Variants in ZFAND3 observed in about 807,000 individuals in gnomAD.
The protein encoded by ZFAND3 is AN1-type zinc finger protein 3.
A neutral mutation model predicts 29.6 loss-of-function variants in ZFAND3; 10 were observed. The ratio of observed to expected loss-of-function variants is 0.34; its 90% CI spans 0.21 to 0.57. The LOEUF is 0.57. Among genes scored for constraint, ZFAND3 ranks in the 20% least tolerant of loss-of-function variants. ZFAND3 has a pLI of 0.86. For synonymous variants in ZFAND3, 128 were observed against 112.6 expected, an observed-to-expected ratio of 1.14 and a Z score of -0.87; for missense variants, 230 against 304.5, an observed-to-expected ratio of 0.76 and a Z score of 1.82.
At chr6:38,108,134 A>C (rs1274597790) in intron 4 of ZFAND3, among the ~76,000 whole-genome samples, 2 of 152,152 alleles carry the variant, frequency 1.3e-5, no homozygotes, top group African/African-American at 4.8e-5. Flanking sequence ...TAATATTCTT[A>C]GGTATGATAT....
chr6:38,034,770 T>C (rs1763626667), intron 2 of ZFAND3, among the ~76,000 whole-genome samples: 1 of 151,332 alleles, frequency 6.6e-6, no homozygotes, highest in African/African-American at 2.4e-5. Flanking sequence ...GAATTGTAGC[T>C]TGTTCATTGA....
At chr6:38,022,347 A>G (rs779820705) in intron 2 of ZFAND3, among the ~76,000 whole-genome samples, 6 of 152,232 alleles carry the variant, frequency 3.9e-5, no homozygotes, top group Non-Finnish European at 1.5e-5. Flanking sequence ...TGTTTCACCA[A>G]CAGGAAGCCT....
intron 1 of ZFAND3, among the ~76,000 whole-genome samples, chr6:37,881,220 C>T (rs1242969223): frequency 4.6e-5 from 7 of 152,024 alleles, no homozygotes; most frequent in African/African-American, 9.7e-5. Context: ...CACAGCTGCA[C>T]GCCACGATGC....
At chr6:37,997,832 A>G (rs1762877548) in intron 2 of ZFAND3, among the ~76,000 whole-genome samples, 1 of 152,192 alleles carries the variant, frequency 6.6e-6, no homozygotes, top group African/African-American at 2.4e-5. Context: ...GCACATGTGC[A>G]ATTAAAATTG....
At chr6:37,825,640 T>G (rs1012927960) in intron 1 of ZFAND3, among the ~76,000 whole-genome samples, 33 of 152,138 alleles carry the variant, frequency 2.2e-4, no homozygotes, top group Non-Finnish European at 4.3e-4. Context: ...TCTTCTCCAT[T>G]TACCGTCTCC....
chr6:37,975,596 A>G (rs757001111), intron 2 of ZFAND3, among the ~76,000 whole-genome samples: 6 of 152,124 alleles, frequency 3.9e-5, no homozygotes, highest in Admixed American at 6.5e-5. Flanking sequence ...TATGATATGG[A>G]GGTATACATC....
intron 2 of ZFAND3, among the ~76,000 whole-genome samples, chr6:38,021,945 G>GTT (rs1763361703): frequency 6.6e-6 from 1 of 152,164 alleles, no homozygotes; most frequent in Non-Finnish European, 1.5e-5. Context: ...TTAAATATAG[G>GTT]TTTATATATC....
chr6:37,821,386 C>T (rs1462785656), intron 1 of ZFAND3, among the ~76,000 whole-genome samples: 1 of 152,236 alleles, frequency 6.6e-6, no homozygotes, highest in Non-Finnish European at 1.5e-5. Context: ...TATTTCTAGT[C>T]TTCCCTTCAT....
chr6:38,089,807 T>C (rs1302971835), intron 4 of ZFAND3, among the ~76,000 whole-genome samples: 1 of 152,184 alleles, frequency 6.6e-6, no homozygotes, highest in Non-Finnish European at 1.5e-5. Context: ...TTACACACTA[T>C]AGTTGGCTCT....
intron 5 of ZFAND3, 61 bp downstream of exon 5, chr6:38,116,800 GGAAAT>G: frequency 1.9e-6 from 3 of 1,553,110 alleles, no homozygotes; most frequent in Non-Finnish European, 2.6e-6. Flanking sequence ...GCCCAGCTTT[GGAAAT>G]TTAAGTGGCT....
chr6:37,824,003 C>T (rs1476009278), intron 1 of ZFAND3, among the ~76,000 whole-genome samples: 2 of 152,110 alleles, frequency 1.3e-5, no homozygotes, highest in African/African-American at 2.4e-5. Flanking sequence ...ATCGAACTCC[C>T]GACCTCAGGT....
chr6:37,863,768 G>A (rs1272860097), intron 1 of ZFAND3, among the ~76,000 whole-genome samples: 1 of 152,144 alleles, frequency 6.6e-6, no homozygotes, highest in East Asian at 1.9e-4. Context: ...AGTAGCGTTT[G>A]GACAATATGC....
In ZFAND3 at chr6:37,819,919, C is replaced by T; in HGVS notation, c.-27C>T. 1 of 1,204,432 alleles carries T rather than the reference C, an allele frequency of 8.3e-7. No homozygotes were observed. Among genetic ancestry groups the T allele is most frequent in the Non-Finnish European group, 1.0e-6 (1 of 971,816 alleles). 74.6% of individuals were successfully genotyped at this position (1,204,432 alleles called of 1,614,324 possible). A position where few individuals can be genotyped will look rare whatever the true frequency, so the allele number is the denominator to read the frequency against. On this transcript the variant is annotated 5_prime_UTR_variant, in exon 1 of 6. Coordinates refer to ENST00000287218, the MANE Select transcript of ZFAND3 (RefSeq NM_021943.3). ...GCCCAGCCGCCGCCACCGCTGCCGC[C>T]GCCGAGCTCCGCCGCCGCCGAGCAC...
chr6:37,982,605 A>T (rs1199569515), intron 2 of ZFAND3, among the ~76,000 whole-genome samples: 1 of 152,200 alleles, frequency 6.6e-6, no homozygotes, highest in Non-Finnish European at 1.5e-5. Context: ...GTGTAAGTAT[A>T]TCTACTGTGC....
chr6:37,831,308 T>C (rs866066336), intron 1 of ZFAND3, among the ~76,000 whole-genome samples: 64 of 152,304 alleles, frequency 4.2e-4, no homozygotes, highest in African/African-American at 1.2e-3. Context: ...TATGGGAAAT[T>C]TGCATTTATA....
intron 2 of ZFAND3, among the ~76,000 whole-genome samples, chr6:38,058,439 G>T (rs530991730): frequency 1.4e-4 from 21 of 152,298 alleles, no homozygotes; most frequent in South Asian, 6.2e-4. Flanking sequence ...TTTCTTGAAG[G>T]TGCTATACAA....
intron 1 of ZFAND3, among the ~76,000 whole-genome samples, chr6:37,824,216 A>G (rs1763718781): frequency 6.6e-6 from 1 of 152,244 alleles, no homozygotes; most frequent in African/African-American, 2.4e-5. Context: ...TTTGTTGATA[A>G]TTGTTGTATC....
chr6:38,117,402 T>TCA (rs1429731200), intron 5 of ZFAND3, among the ~76,000 whole-genome samples: 1 of 152,014 alleles, frequency 6.6e-6, no homozygotes, highest in African/African-American at 2.4e-5. Context: ...TGTAGTGTAA[T>TCA]ACCTTTTAGA....
At chr6:38,075,877 G>T (rs1478965157) in intron 3 of ZFAND3, among the ~76,000 whole-genome samples, 1 of 151,926 alleles carries the variant, frequency 6.6e-6, no homozygotes. Flanking sequence ...TCAGCCTCCC[G>T]ACTAGCTGAG....
Sources: allele counts gnomAD v4.1 joint callset (sites outside exome capture counted in the v4.1 genomes callset), GRCh38; gene constraint gnomAD v4.1.1; transcripts MANE v1.5; gene names NCBI Gene and HGNC (gene_info 2026-07-23, HGNC 2026-07-21).